The following CRP variants were observed in gnomAD, a reference collection of about 807,000 sequenced individuals.
CRP encodes the protein C-reactive protein, pentraxin-related.
A neutral mutation model predicts 3.0 loss-of-function variants in CRP; 6 were observed. That is an observed-to-expected ratio of 2.02 (90% CI 1.11 to 3.99). CRP has a LOEUF of 3.99. Ranked by LOEUF, CRP falls within the 30% of genes most tolerant of loss-of-function variation. The pLI is 0.00. For synonymous variants in CRP, 130 were observed against 111.0 expected (o/e 1.17, Z -1.08); for missense variants, 297 against 271.0 (o/e 1.10, Z -0.67).
rs748629705 is a variant in CRP at position 159,713,847 on chromosome 1, C to T, written c.353G>A (p.Trp118Ter). 3.1e-6 allele frequency: 5 copies of T among 1,614,050 alleles called. No homozygotes were observed. The African/African-American group carries it at 5.3e-5, about 17-fold the overall frequency. ...CTCCACGATCCCTGAGGCGGACTCCCAGCTTGTACAAATGTGTACTGGAGC... is the reference window on the plus strand; with the variant it reads ...CTCCACGATCCCTGAGGCGGACTCCTAGCTTGTACAAATGTGTACTGGAGC... The part of the protein sequence containing the change: ...TVAPVHICTS[W>*]ESASGIVEFW... The change falls in exon 2 of 2, where the codon TGG becomes TAG. Residue 118 changes from tryptophan (W) to a stop codon, truncating the protein, a stop_gained. Transcript: ENST00000255030. LOFTEE classifies it low-confidence loss of function (END_TRUNC).
At position 159,713,673 on chromosome 1, in the gene CRP, T is replaced by A; in HGVS notation, c.527A>T (p.Asn176Ile). Residue 176 changes from asparagine (N) to isoleucine (I), a missense_variant, in exon 2 of 2, where the codon AAT becomes ATT. Asn to Ile is a moderately radical substitution (Grantham distance 149, BLOSUM62 -3). Transcript: ENST00000255030. Reference protein sequence around the residue: ...GSQSLVGDIGNVNMWDFVLSP... With the variant: ...GSQSLVGDIGIVNMWDFVLSP... Reference sequence around the variant, plus strand: ...CAGCACAAAGTCCCACATGTTCACATTTCCAATGTCTCCCACCAGGGACTG... The same window carrying A: ...CAGCACAAAGTCCCACATGTTCACAATTCCAATGTCTCCCACCAGGGACTG... 1 of 1,614,180 alleles carries A rather than the reference T, an allele frequency of 6.2e-7. No homozygotes were observed. Among genetic ancestry groups the A allele is most frequent in the Non-Finnish European group, 8.5e-7 (1 of 1,180,028 alleles).
In CRP at chr1:159,714,528, C is replaced by T. The variant is rs766691549; in HGVS notation, c.-43G>A. On this transcript the variant is annotated 5_prime_UTR_variant, in exon 1 of 2. Transcript: ENST00000255030. ...AGTGATACAAGGGCCTGAATTCACT[C>T]CTTTGGAAAAGATGTATTCGGCTGA... 1.2e-6 allele frequency: 2 copies of T among 1,609,212 alleles called. No individual in the cohort carries two copies. The highest frequency in any genetic ancestry group is 1.7e-6 in the Non-Finnish European group (2 of 1,176,438).
In CRP at chr1:159,713,900, T is replaced by C. The variant is rs764795136; in HGVS notation, c.300A>G (p.Ile100Met). 4 of 1,614,026 alleles carry C rather than the reference T, an allele frequency of 2.5e-6. No homozygotes were observed. The South Asian group carries it at 3.3e-5, about 13-fold the overall frequency. Reference protein sequence around the residue: ...GYSFTVGGSEILFEVPEVTVA... With the variant: ...GYSFTVGGSEMLFEVPEVTVA... ...CTGTGACTTCAGGAACCTCGAATAA[T>C]ATTTCAGACCCACCCACTGTAAAAC... The change falls in exon 2 of 2, where the codon ATA (isoleucine) becomes ATG (methionine). Residue 100 changes from isoleucine to methionine, a missense_variant. Transcript: ENST00000255030.
In CRP at chr1:159,714,016, A is replaced by G; in HGVS notation, c.184T>C (p.Ser62Pro). 6.2e-7 allele frequency: 1 copy of G among 1,613,596 alleles called. No individual in the cohort carries two copies. Residue 62 changes from serine (S) to proline (P), a missense_variant, in exon 2 of 2, where the codon TCC (serine) becomes CCC (proline). Physicochemically the swap from Ser to Pro is moderately conservative, Grantham distance 74 (BLOSUM62 -1). Coordinates refer to ENST00000255030, the MANE Select transcript of CRP (RefSeq NM_000567.3). ...TVCLHFYTEL[S>P]STRGYSIFSY... ...AAAATACTGTACCCACGGGTCGAGG[A>G]CAGTTCCGTGTAGAAGTGGAGGCAC...
intron 1 of CRP, 94 bp downstream of exon 1, chr1:159,714,331 C>CT (rs58518386): frequency 0.028 from 25,684 of 925,774 alleles, 38 homozygotes; most frequent in African/African-American, 0.037. Flanking sequence ...TTCATACAGT[C>CT]TTTTTTTTTT....
Position 159,712,873 on chromosome 1 carries a change from G to T in CRP, c.*652C>A, listed in dbSNP as rs1245322904. On this transcript the variant is annotated 3_prime_UTR_variant, in exon 2 of 2. Coordinates refer to ENST00000255030, the MANE Select transcript of CRP (RefSeq NM_000567.3). The stretch of plus-strand genomic sequence containing the variant: ...ATACCTAGTGCTTCATTTTGCTCTG[G>T]AAAAAAAGCAGATCTGCTCTGCTGG... 2.0e-5 allele frequency: 3 copies of T among 152,210 alleles called. No homozygotes were observed. The allele number at this position is 152,210 out of a possible 1,614,324, so 9.4% of individuals were successfully genotyped here. A position where few individuals can be genotyped will look rare whatever the true frequency, so the allele number is the denominator to read the frequency against.
chr1:159,713,819 G>C lies in CRP; in HGVS notation c.381C>G (p.Phe127Leu). The change falls in exon 2 of 2, where the codon TTC becomes TTG. Residue 127 changes from phenylalanine (F) to leucine (L), a missense_variant. Phe to Leu is a conservative substitution (Grantham distance 22, BLOSUM62 0). Coordinates refer to ENST00000255030, the MANE Select transcript of CRP (RefSeq NM_000567.3). ...SWESASGIVE[F>L]WVDGKPRVRK... is the part of the protein sequence containing the mutation. ...TCACCCTGGGCTTCCCATCTACCCA[G>C]AACTCCACGATCCCTGAGGCGGACT... is the stretch of plus-strand genomic sequence containing the variant. The C allele has an allele frequency of 6.2e-7, 1 of 1,614,124 alleles. No individual in the cohort carries two copies. The highest frequency in any genetic ancestry group is 8.5e-7 in the Non-Finnish European group (1 of 1,180,032).
At chr1:159,714,310 C>A in intron 1 of CRP, 115 bp downstream of exon 1, 1 of 1,193,248 alleles carries the variant, frequency 8.4e-7, no homozygotes, top group South Asian at 1.5e-5. Context: ...GAAGGATGCT[C>A]CACTGTTCTG....
chr1:159,714,053 T>C lies in CRP; in HGVS notation c.147A>G (p.Lys49=). ...AGAAGTGGAGGCACACAGTGAAGGC[T>C]TTGAGAGGCTTCGTTAACGGTGCTT... ...SLKAPLTKPL[K]AFTVCLHFYT... is the part of the protein sequence containing the mutation. Residue 49 remains lysine, a synonymous_variant, in exon 2 of 2, where the codon AAA becomes AAG. Transcript: ENST00000255030. 6 of 1,613,612 alleles carry C rather than the reference T, an allele frequency of 3.7e-6. No homozygotes were observed. The highest frequency in any genetic ancestry group is 5.1e-6 in the Non-Finnish European group (6 of 1,180,008).
chr1:159,712,591 C>T lies in CRP; in HGVS notation c.*934G>A, dbSNP rs1163786620. The T allele has an allele frequency of 6.6e-6, 1 of 152,274 alleles. No homozygotes were observed. Among genetic ancestry groups the T allele is most frequent in the East Asian group, 1.9e-4 (1 of 5,200 alleles). 9.4% of individuals were successfully genotyped at this position (152,274 alleles called of 1,614,324 possible). A position where few individuals can be genotyped will look rare whatever the true frequency, so the allele number is the denominator to read the frequency against. On this transcript the variant is annotated 3_prime_UTR_variant, in exon 2 of 2. Transcript: ENST00000255030. ...AGACTGTAGTTGGTCCTGCTAGGAA[C>T]ACGTAACTATCCAACTATCCTCCAG...
Position 159,713,493 on chromosome 1 carries a change from C to T in CRP, c.*32G>A, listed in dbSNP as rs766840632. On this transcript the variant is annotated 3_prime_UTR_variant, in exon 2 of 2. Coordinates refer to ENST00000255030, the MANE Select transcript of CRP (RefSeq NM_000567.3). ...GTGGGGCCCATGCGGTGTAAAAAAC[C>T]GGGAGGTACCTTCAGGACCCACAGC... The T allele has an allele frequency of 3.4e-5, 53 of 1,572,924 alleles. No homozygotes were observed. The East Asian group carries it at 5.4e-4, about 16-fold the overall frequency.
chr1:159,712,901 C>T lies in CRP; in HGVS notation c.*624G>A, dbSNP rs1660709266. The T allele has an allele frequency of 6.6e-6, 1 of 152,436 alleles. No homozygotes were observed. The highest frequency in any genetic ancestry group is 1.9e-4 in the East Asian group (1 of 5,198). 9.4% of individuals were successfully genotyped at this position (152,436 alleles called of 1,614,324 possible). On this transcript the variant is annotated 3_prime_UTR_variant, in exon 2 of 2. Coordinates refer to ENST00000255030, the MANE Select transcript of CRP (RefSeq NM_000567.3). Reference sequence around the variant, plus strand: ...AAAAAGCAGATCTGCTCTGCTGGGGCAATTCTAATGGCCTTTCCAGTGTGC... The same window carrying T: ...AAAAAGCAGATCTGCTCTGCTGGGGTAATTCTAATGGCCTTTCCAGTGTGC...
At chr1:159,714,278 C>T (rs1660768667) in intron 1 of CRP, 140 bp from the exon 2 acceptor site, 2 of 1,081,178 alleles carry the variant, frequency 1.8e-6, no homozygotes, top group African/African-American at 1.6e-5. Flanking sequence ...CACACACACA[C>T]ACACACACAC....
chr1:159,713,364 G>A lies in CRP; in HGVS notation c.*161C>T, dbSNP rs562030406. 45 of 843,128 alleles carry A rather than the reference G, an allele frequency of 5.3e-5. No individual in the cohort carries two copies. In the African/African-American group the frequency reaches 7.1e-4, roughly 13 times the overall value. The allele number at this position is 843,128 out of a possible 1,614,324, so 52.2% of individuals were successfully genotyped here. ...TTTACCTCCATTCTCAGGCGCTGAG[G>A]AGGGTGGAGCAGGCCTGCAATGCAT... On this transcript the variant is annotated 3_prime_UTR_variant, in exon 2 of 2. Coordinates refer to ENST00000255030, the MANE Select transcript of CRP (RefSeq NM_000567.3).
At position 159,713,704 on chromosome 1, in the gene CRP, C is replaced by T. The variant is rs758607342; in HGVS notation, c.496G>A (p.Gly166Arg). Reference sequence around the variant, plus strand: ...ATGTCTCCCACCAGGGACTGGCTTCCTTCAAAGTTCCCACCGAAGGAATCC... The same window carrying T: ...ATGTCTCCCACCAGGGACTGGCTTCTTTCAAAGTTCCCACCGAAGGAATCC... ...EQDSFGGNFE[G>R]SQSLVGDIGN... is the part of the protein sequence containing the mutation. Residue 166 changes from glycine (G) to arginine (R), a missense_variant, in exon 2 of 2, where the codon GGA becomes AGA. Gly to Arg is a moderately radical substitution (Grantham distance 125). Transcript: ENST00000255030. The T allele has an allele frequency of 9.3e-6, 15 of 1,614,062 alleles. No individual in the cohort carries two copies. The Admixed American group carries it at 1.7e-4, about 18-fold the overall frequency.
In CRP at chr1:159,713,624, G is replaced by A. The variant is rs758182376; in HGVS notation, c.576C>T (p.Ile192=). The part of the protein sequence containing the change: ...FVLSPDEINT[I]YLGGPFSPNV... Reference sequence around the variant, plus strand: ...TAGGACTGAAGGGCCCGCCAAGATAGATGGTGTTAATCTCATCTGGTGACA... The same window carrying A: ...TAGGACTGAAGGGCCCGCCAAGATAAATGGTGTTAATCTCATCTGGTGACA... Residue 192 remains isoleucine, a synonymous_variant, in exon 2 of 2, where the codon ATC becomes ATT. Transcript: ENST00000255030. 6.2e-7 allele frequency: 1 copy of A among 1,614,106 alleles called. No homozygotes were observed. The highest frequency in any genetic ancestry group is 1.1e-5 in the South Asian group (1 of 91,088).
chr1:159,714,557 T>C lies in CRP; in HGVS notation c.-72A>G, dbSNP rs1557845211. 1.2e-5 allele frequency: 19 copies of C among 1,549,310 alleles called. No homozygotes were observed. The highest frequency in any genetic ancestry group is 1.9e-4 in the Middle Eastern group (1 of 5,388). ...TGGAAAAGATGTATTCGGCTGAAAG[T>C]TCAGGGGCTAGAAGTCCTAGATCTC... On this transcript the variant is annotated 5_prime_UTR_variant, in exon 1 of 2. Coordinates refer to ENST00000255030, the MANE Select transcript of CRP (RefSeq NM_000567.3).
rs551145554 is a variant in CRP at position 159,712,931 on chromosome 1, A to G, written c.*594T>C. On this transcript the variant is annotated 3_prime_UTR_variant, in exon 2 of 2. Coordinates refer to ENST00000255030, the MANE Select transcript of CRP (RefSeq NM_000567.3). ...CTAATGGCCTTTCCAGTGTGCTTTGAGAAAGTGGAGGGACTGCGTGGTATT... is the reference window on the plus strand; with the variant it reads ...CTAATGGCCTTTCCAGTGTGCTTTGGGAAAGTGGAGGGACTGCGTGGTATT... The G allele has an allele frequency of 6.5e-6, 1 of 152,794 alleles. No homozygotes were observed. Among genetic ancestry groups the G allele is most frequent in the Non-Finnish European group, 1.5e-5 (1 of 68,420 alleles). The allele number at this position is 152,794 out of a possible 1,614,324, so 9.5% of individuals were successfully genotyped here.
Position 159,713,495 on chromosome 1 carries a change from G to A in CRP, c.*30C>T. 1 of 1,576,764 alleles carries A rather than the reference G, an allele frequency of 6.3e-7. No homozygotes were observed. Among genetic ancestry groups the A allele is most frequent in the Non-Finnish European group, 8.6e-7 (1 of 1,164,030 alleles). The stretch of plus-strand genomic sequence containing the variant: ...GGGGCCCATGCGGTGTAAAAAACCG[G>A]GAGGTACCTTCAGGACCCACAGCTG... On this transcript the variant is annotated 3_prime_UTR_variant, in exon 2 of 2. Transcript: ENST00000255030.
Sources: gnomAD v4.1 joint callset for allele counts on GRCh38, gnomAD v4.1.1 for gene constraint, MANE v1.5 for transcripts, NCBI Gene and HGNC (gene_info 2026-07-23, HGNC 2026-07-21) for gene names.